The following PKM variants were observed in gnomAD, a reference collection of about 807,000 sequenced individuals.
The protein encoded by PKM is pyruvate kinase M1/2.
Under a neutral mutation model 49.8 loss-of-function variants are expected in PKM, and 18 were observed. The observed-to-expected ratio is 0.36, with a 90% CI of 0.25 to 0.54. The LOEUF is 0.54. Among genes scored for constraint, PKM ranks in the 20% least tolerant of loss-of-function variants. The pLI is 0.89. For synonymous variants in PKM, 239 were observed against 261.8 expected (o/e 0.91, Z 0.84); for missense variants, 508 against 713.8 (o/e 0.71, Z 3.28).
At chr15:72,229,768 C>G (rs2082793276) in intron 1 of PKM, 1 of 1,038,462 alleles carries the variant, frequency 9.6e-7, no homozygotes, top group Admixed American at 3.0e-5. Flanking sequence ...AACTCTGACC[C>G]CCAAACAGCC....
intron 3 of PKM, among the ~76,000 whole-genome samples, chr15:72,212,097 C>G (rs2082267558): frequency 6.6e-6 from 1 of 152,124 alleles, no homozygotes; most frequent in African/African-American, 2.4e-5. Flanking sequence ...AATGACAGAC[C>G]CTTGGCTTGT....
intron 3 of PKM, among the ~76,000 whole-genome samples, chr15:72,211,830 C>T (rs539682835): frequency 1.2e-4 from 18 of 150,534 alleles, no homozygotes; most frequent in Middle Eastern, 3.4e-3. Context: ...AAAAAAAAGA[C>T]GCAGAGCCAA....
intron 1 of PKM, 65 bp from the exon 2 acceptor site, chr15:72,219,175 A>C: frequency 9.7e-6 from 14 of 1,449,460 alleles, no homozygotes; most frequent in Admixed American, 1.8e-5. Context: ...CATTTAGCAC[A>C]GAAGGCTGTC....
chr15:72,230,517 G>A (rs1054118765), intron 1 of PKM, among the ~76,000 whole-genome samples: 10 of 152,118 alleles, frequency 6.6e-5, no homozygotes, highest in East Asian at 1.9e-4. Flanking sequence ...GGGGATGCGG[G>A]GGAGCGGACG....
In PKM at chr15:72,210,354, A is replaced by C; in HGVS notation, c.371T>G (p.Ile124Ser). Residue 124 changes from isoleucine to serine, a missense_variant, in exon 4 of 11, where the codon ATC becomes AGC. Transcript: ENST00000335181. ...TKGPEIRTGL[I>S]KGSGTAEVEL... ...TCTCCGCAGAATACTCACGCCCTTG[A>C]TGAGCCCAGTTCGGATCTCAGGTCC... The C allele has an allele frequency of 6.2e-7, 1 of 1,614,114 alleles. No individual in the cohort carries two copies. The highest frequency in any genetic ancestry group is 2.2e-5 in the East Asian group (1 of 44,882).
intron 2 of PKM, among the ~76,000 whole-genome samples, chr15:72,218,122 T>C (rs1319464705): frequency 6.6e-6 from 1 of 152,044 alleles, no homozygotes; most frequent in African/African-American, 2.4e-5. Context: ...GTTTTTTTCT[T>C]TTTTCTTCCT....
intron 1 of PKM, chr15:72,221,288 C>T: frequency 6.6e-7 from 1 of 1,518,644 alleles, no homozygotes; most frequent in Non-Finnish European, 8.8e-7. Flanking sequence ...TGGAGAGCTG[C>T]ACAAGGATTA....
At chr15:72,211,193 G>C (rs973892775) in intron 3 of PKM, among the ~76,000 whole-genome samples, 4 of 151,514 alleles carry the variant, frequency 2.6e-5, no homozygotes, top group African/African-American at 9.7e-5. Context: ...TCAGCCTCCC[G>C]AGTAGCTGGG....
At chr15:72,211,389 T>C (rs1415012687) in intron 3 of PKM, among the ~76,000 whole-genome samples, 1 of 152,174 alleles carries the variant, frequency 6.6e-6, no homozygotes, top group Non-Finnish European at 1.5e-5. Context: ...TAGATTCTGA[T>C]TGGAGGGGGA....
intron 1 of PKM, among the ~76,000 whole-genome samples, chr15:72,230,276 T>C (rs558926744): frequency 6.6e-6 from 1 of 152,172 alleles, no homozygotes; most frequent in Admixed American, 6.5e-5. Context: ...CAACGTTACG[T>C]AAGTCTCCAG....
intron 8 of PKM, chr15:72,206,515 T>C: frequency 1.8e-6 from 1 of 571,330 alleles, no homozygotes; most frequent in East Asian, 2.9e-5. Flanking sequence ...CAGAAGGAAA[T>C]GGAGGGGTGG....
chr15:72,229,699 G>C, intron 1 of PKM: 1 of 1,224,470 alleles, frequency 8.2e-7, no homozygotes, highest in Non-Finnish European at 1.1e-6. Context: ...CATTACAGGA[G>C]ATACATTTTA....
chr15:72,206,687 A>T (rs757340315), intron 8 of PKM, 41 bp downstream of exon 8: 1 of 1,604,992 alleles, frequency 6.2e-7, no homozygotes, highest in East Asian at 2.2e-5. Flanking sequence ...TCCCAGGCCC[A>T]GTCCGAAGCC....
intron 1 of PKM, among the ~76,000 whole-genome samples, chr15:72,227,256 G>T (rs1321589567): frequency 6.6e-6 from 1 of 152,182 alleles, no homozygotes; most frequent in Non-Finnish European, 1.5e-5. Flanking sequence ...CCAATCTCAC[G>T]AAGACCCTTG....
intron 1 of PKM, 161 bp downstream of exon 1, chr15:72,230,955 G>A (rs554370052): frequency 8.5e-6 from 11 of 1,286,866 alleles, no homozygotes; most frequent in East Asian, 1.1e-4. Context: ...CAGGCGTGAG[G>A]AGCCGTTCTC....
At chr15:72,210,722 T>C (rs1435235139) in intron 3 of PKM, among the ~76,000 whole-genome samples, 1 of 152,146 alleles carries the variant, frequency 6.6e-6, no homozygotes, top group Non-Finnish European at 1.5e-5. Flanking sequence ...GAAATGTAGG[T>C]GGCAAATTTC....
chr15:72,210,387 T>C lies in PKM; in HGVS notation c.338A>G (p.Asp113Gly). ...ILYRPVAVAL[D>G]TKGPEIRTGL... is the part of the protein sequence containing the mutation. ...AGTTCGGATCTCAGGTCCTTTAGTG[T>C]CTAGAGCCACAGCAACGGGCCGGTA... Residue 113 changes from aspartate (D) to glycine (G), a missense_variant, in exon 4 of 11, where the codon GAC becomes GGC. Coordinates refer to ENST00000335181, the MANE Select transcript of PKM (RefSeq NM_002654.6). The C allele has an allele frequency of 2.5e-6, 4 of 1,614,112 alleles. No individual in the cohort carries two copies. Among genetic ancestry groups the C allele is most frequent in the Non-Finnish European group, 3.4e-6 (4 of 1,180,018 alleles).
chr15:72,207,076 T>C (rs560192914), intron 7 of PKM, 51 bp downstream of exon 7: 3 of 1,607,124 alleles, frequency 1.9e-6, no homozygotes, highest in East Asian at 2.2e-5. Flanking sequence ...AGCTTTCCCA[T>C]ACAAACATGC....
At chr15:72,227,763 A>C (rs1459546025) in intron 1 of PKM, among the ~76,000 whole-genome samples, 1 of 134,678 alleles carries the variant, frequency 7.4e-6, no homozygotes, top group South Asian at 2.3e-4. Context: ...AAAAAAAAAA[A>C]AAAAAAAAAA....
Sources: allele counts gnomAD v4.1 joint callset (sites outside exome capture counted in the v4.1 genomes callset), GRCh38; gene constraint gnomAD v4.1.1; transcripts MANE v1.5; gene names NCBI Gene and HGNC (gene_info 2026-07-23, HGNC 2026-07-21).